The following CCSER1 variants were observed in gnomAD, a reference collection of about 807,000 sequenced individuals.
CCSER1 encodes the protein coiled-coil serine rich protein 1.
In CCSER1, 41 loss-of-function variants were observed where a neutral mutation model predicts 82.0. The observed-to-expected ratio is 0.50, with a 90% CI of 0.39 to 0.65. CCSER1 has a LOEUF of 0.65. Ranked by LOEUF, CCSER1 falls within the 30% of genes least tolerant of loss-of-function variation. The probability of loss-of-function intolerance (pLI) is 0.00; values close to 1 mark genes in which losing one functional copy is unlikely to be tolerated. For missense variants in CCSER1, 1,119 were observed against 1,064.2 expected, an observed-to-expected ratio of 1.05 and a Z score of -0.72; for synonymous variants, 414 against 383.9, an observed-to-expected ratio of 1.08 and a Z score of -0.92.
chr4:90,599,841 G>T (rs1783824668), intron 5 of CCSER1, among the ~76,000 whole-genome samples: 1 of 152,164 alleles, frequency 6.6e-6, no homozygotes, highest in East Asian at 1.9e-4. Flanking sequence ...TTCTGTCTCA[G>T]AATTTTCTTG....
chr4:90,879,680 A>AGAAGAAGAAGAG (rs1720994927), intron 8 of CCSER1, among the ~76,000 whole-genome samples: 2 of 151,994 alleles, frequency 1.3e-5, no homozygotes. Flanking sequence ...AGAAGAAAGA[A>AGAAGAAGAAGAG]GAAGAAGAGG....
chr4:90,963,397 G>A (rs1248953933), intron 9 of CCSER1, among the ~76,000 whole-genome samples: 4 of 152,084 alleles, frequency 2.6e-5, no homozygotes. Context: ...CATATATTAT[G>A]AAATACATAT....
intron 10 of CCSER1, among the ~76,000 whole-genome samples, chr4:91,506,761 A>C (rs914079792): frequency 1.3e-5 from 2 of 152,150 alleles, no homozygotes; most frequent in African/African-American, 4.8e-5. Context: ...AACCATTACC[A>C]TTGCCTAATT....
At chr4:91,113,797 G>T (rs889280109) in intron 10 of CCSER1, among the ~76,000 whole-genome samples, 20 of 151,854 alleles carry the variant, frequency 1.3e-4, no homozygotes, top group African/African-American at 4.4e-4. Context: ...GGAGCAGATA[G>T]ATTTTTATTC....
At chr4:90,557,309 A>G (rs1052827651) in intron 5 of CCSER1, among the ~76,000 whole-genome samples, 1 of 152,136 alleles carries the variant, frequency 6.6e-6, no homozygotes, top group Non-Finnish European at 1.5e-5. Context: ...TCGATACAGC[A>G]AAGATTTTTG....
At chr4:90,916,050 G>C (rs1257321548) in intron 8 of CCSER1, among the ~76,000 whole-genome samples, 5 of 152,232 alleles carry the variant, frequency 3.3e-5, no homozygotes, top group Non-Finnish European at 5.9e-5. Context: ...CCATGCTCAT[G>C]GATAGGAAGA....
chr4:90,242,716 C>T (rs1346667478), intron 1 of CCSER1, among the ~76,000 whole-genome samples: 2 of 152,106 alleles, frequency 1.3e-5, no homozygotes, highest in African/African-American at 4.8e-5. Context: ...ATTGAGTGTC[C>T]ACTAGGTATG....
rs558845961 is a variant in CCSER1, at chr4:91,497,819, A to G, written c.2218-100753A>G. ...GACCAGTAAGACTAAATGAACTGAT[A>G]TTTAATGTTTTATGATGTACTATTT... On this transcript the variant is annotated intron_variant, in intron 10 of 10. Coordinates refer to ENST00000509176, the MANE Select transcript of CCSER1 (RefSeq NM_001145065.2). Among the ~76,000 whole-genome samples the G allele has an allele frequency of 8.0e-4, 122 of 152,100 alleles. 1 individual carries two copies. The South Asian group carries it at 0.023, about 28-fold the overall frequency.
chr4:90,139,032 G>A (rs1724229044), intron 1 of CCSER1, among the ~76,000 whole-genome samples: 1 of 152,168 alleles, frequency 6.6e-6, no homozygotes. Flanking sequence ...AACAGAAGTT[G>A]GTAGACTTTT....
In CCSER1 at chr4:91,297,391, G is replaced by A. The variant is rs767374695; in HGVS notation, c.2217+211397G>A. 7.3e-3 allele frequency among the ~76,000 whole-genome samples: 728 copies of A among 99,444 alleles called. 6 individuals are homozygous for A. Among genetic ancestry groups the A allele is most frequent in the African/African-American group, 0.024 (611 of 25,564 alleles). The allele number at this position is 99,444 out of a possible 152,430, so 65.2% of individuals were successfully genotyped here. On this transcript the variant is annotated intron_variant, in intron 10 of 10. Coordinates refer to ENST00000509176, the MANE Select transcript of CCSER1 (RefSeq NM_001145065.2). ...TGTGTGTGTGTGTGTGTGTATGTGT[G>A]TGTGTGTGTGTGTGTGTGTGTGTGT...
chr4:90,588,812 A>G (rs1782336337), intron 5 of CCSER1, among the ~76,000 whole-genome samples: 1 of 152,152 alleles, frequency 6.6e-6, no homozygotes, highest in African/African-American at 2.4e-5. Context: ...GCCTGCCGCT[A>G]TGTAAGCCAT....
chr4:91,430,730 A>G (rs1754250254), intron 10 of CCSER1, among the ~76,000 whole-genome samples: 1 of 152,330 alleles, frequency 6.6e-6, no homozygotes, highest in South Asian at 2.1e-4. Context: ...AATGTACTAC[A>G]TATTTCTTTT....
At chr4:90,159,849 T>C (rs563668380) in intron 1 of CCSER1, among the ~76,000 whole-genome samples, 10 of 152,348 alleles carry the variant, frequency 6.6e-5, no homozygotes, top group Non-Finnish European at 1.5e-4. Context: ...GAGGATTGTT[T>C]TATTTCAGGC....
chr4:90,500,441 G>T (rs1381138792), intron 5 of CCSER1, among the ~76,000 whole-genome samples: 2 of 151,740 alleles, frequency 1.3e-5, no homozygotes, highest in Non-Finnish European at 2.9e-5. Context: ...AAGTGACTCT[G>T]GTGCCTCAGC....
intron 3 of CCSER1, among the ~76,000 whole-genome samples, chr4:90,322,679 T>C (rs1737379902): frequency 6.6e-6 from 1 of 152,222 alleles, no homozygotes. Flanking sequence ...GTTAAGTTTA[T>C]TCCAGTAAAG....
chr4:91,078,095 G>T (rs1399575166), intron 9 of CCSER1, among the ~76,000 whole-genome samples: 1 of 152,182 alleles, frequency 6.6e-6, no homozygotes, highest in African/African-American at 2.4e-5. Flanking sequence ...AGAGAATAGT[G>T]GTTCTTCCAG....
At chr4:91,469,640 C>G (rs557357077) in intron 10 of CCSER1, among the ~76,000 whole-genome samples, 5 of 152,150 alleles carry the variant, frequency 3.3e-5, no homozygotes. Flanking sequence ...AGGTCAAATA[C>G]TCAATGCTCT....
At chr4:91,214,704 T>C (rs1737105972) in intron 10 of CCSER1, among the ~76,000 whole-genome samples, 1 of 152,212 alleles carries the variant, frequency 6.6e-6, no homozygotes, top group African/African-American at 2.4e-5. Context: ...AGATTATCTG[T>C]TCTAGAAGTA....
At chr4:90,665,924 T>A (rs1731694686) in intron 6 of CCSER1, among the ~76,000 whole-genome samples, 1 of 152,156 alleles carries the variant, frequency 6.6e-6, no homozygotes, top group South Asian at 2.1e-4. Context: ...AAAGGGACTC[T>A]GTTTCCATGC....
Sources: allele counts gnomAD v4.1 joint callset (sites outside exome capture counted in the v4.1 genomes callset), GRCh38; gene constraint gnomAD v4.1.1; transcripts MANE v1.5; gene names NCBI Gene and HGNC (gene_info 2026-07-23, HGNC 2026-07-21).